The following KIAA1671 variants were observed in gnomAD, a reference collection of about 807,000 sequenced individuals.
KIAA1671 encodes uncharacterized protein KIAA1671.
KIAA1671 carries 52 observed loss-of-function variants against 131.2 expected under a neutral mutation model. The observed-to-expected ratio is 0.40, with a 90% CI of 0.32 to 0.50. The LOEUF is 0.50. Among genes scored for constraint, KIAA1671 ranks in the 20% least tolerant of loss-of-function variants. The pLI is 0.73. For synonymous variants in KIAA1671, 1,003 were observed against 961.6 expected (o/e 1.04, Z -0.80); for missense variants, 2,360 against 2,364.2 (o/e 1.00, Z 0.04).
chr22:25,000,492 CT>C (rs932233451), intron 1 of KIAA1671, among the ~76,000 whole-genome samples: 504 of 49,626 alleles, frequency 0.01, 53 homozygotes, highest in East Asian at 0.037. Context: ...CGCGCCCGGC[CT>C]TTTTTTTTTT....
At chr22:25,078,952 G>A (rs894965851) in intron 6 of KIAA1671, among the ~76,000 whole-genome samples, 1 of 152,090 alleles carries the variant, frequency 6.6e-6, no homozygotes, top group Non-Finnish European at 1.5e-5. Flanking sequence ...AGAGCATGGG[G>A]CCTCGAGCAA....
rs1223034273 is a variant in KIAA1671 at position 25,099,537 on chromosome 22, G to GTTTTTTTTTTTT, written c.4530+50180_4530+50181insTTTTTTTTTTTT. Among the ~76,000 whole-genome samples, 5 of 112,112 alleles carry GTTTTTTTTTTTT rather than the reference G, an allele frequency of 4.5e-5. 2 individuals carry two copies. Among genetic ancestry groups the GTTTTTTTTTTTT allele is most frequent in the African/African-American group, 3.9e-5 (1 of 25,448 alleles). The allele number at this position is 112,112 out of a possible 152,430, so 73.5% of individuals were successfully genotyped here. A position where few individuals can be genotyped will look rare whatever the true frequency, so the allele number is the denominator to read the frequency against. On this transcript the variant is annotated intron_variant, in intron 6 of 12. Coordinates refer to ENST00000358431, the MANE Select transcript of KIAA1671 (RefSeq NM_001145206.2). ...TATAAGTTTGTCTTTCAAAATGTGG[G>GTTTTTTTTTTTT]TTTTTTTGTTTTTTTTTTTTTTTTT...
chr22:25,181,585 C>A, intron 9 of KIAA1671, 114 bp from the exon 10 acceptor site: 1 of 1,290,982 alleles, frequency 7.7e-7, no homozygotes, highest in Non-Finnish European at 1.1e-6. Context: ...ATAGCGTCTT[C>A]TGTGCAGGTC....
chr22:25,134,396 C>T (rs1932580160), intron 6 of KIAA1671, among the ~76,000 whole-genome samples: 1 of 151,940 alleles, frequency 6.6e-6, no homozygotes, highest in Non-Finnish European at 1.5e-5. Flanking sequence ...GTGTGTGTAC[C>T]CGAAATCTGA....
chr22:25,155,109 A>C (rs1933184460), intron 6 of KIAA1671, among the ~76,000 whole-genome samples: 1 of 152,198 alleles, frequency 6.6e-6, no homozygotes, highest in African/African-American at 2.4e-5. Flanking sequence ...CCTCAATTTG[A>C]GATGGCATTT....
chr22:25,064,016 C>T (rs1446871887), intron 6 of KIAA1671: 1 of 152,236 alleles, frequency 6.6e-6, no homozygotes, highest in African/African-American at 2.4e-5. Flanking sequence ...CGACCAGGCA[C>T]TCACAGCTAA....
chr22:25,051,076 T>C (rs1927506992), intron 6 of KIAA1671: 2 of 152,546 alleles, frequency 1.3e-5, no homozygotes, highest in African/African-American at 4.8e-5. Context: ...CTTGGCTCTT[T>C]CCTTCTGGCC....
At chr22:25,121,974 G>C (rs989530837) in intron 6 of KIAA1671, among the ~76,000 whole-genome samples, 2 of 152,208 alleles carry the variant, frequency 1.3e-5, no homozygotes, top group South Asian at 4.1e-4. Context: ...AGAGTGAATT[G>C]TGGGATCTGG....
intron 2 of KIAA1671, among the ~76,000 whole-genome samples, chr22:25,026,655 G>C (rs1925958624): frequency 1.3e-5 from 2 of 152,032 alleles, no homozygotes; most frequent in African/African-American, 4.8e-5. Context: ...GCTTGAACCT[G>C]GGAGGCAGAA....
intron 6 of KIAA1671, among the ~76,000 whole-genome samples, chr22:25,096,900 A>G (rs1255984115): frequency 6.6e-6 from 1 of 152,160 alleles, no homozygotes; most frequent in Non-Finnish European, 1.5e-5. Flanking sequence ...AGTGTCTCTC[A>G]CTTAGCATAA....
chr22:25,000,549 A>G (rs896922094), intron 1 of KIAA1671, among the ~76,000 whole-genome samples: 1 of 137,262 alleles, frequency 7.3e-6, no homozygotes, highest in Non-Finnish European at 1.5e-5. Flanking sequence ...GTTTTGAGAC[A>G]CGTCTGGCCC....
intron 1 of KIAA1671, among the ~76,000 whole-genome samples, chr22:24,954,324 G>C (rs1238925226): frequency 6.6e-6 from 1 of 152,068 alleles, no homozygotes; most frequent in Non-Finnish European, 1.5e-5. Flanking sequence ...TGCACCCCCA[G>C]ACTCTGGCGC....
intron 3 of KIAA1671, 53 bp from the exon 4 acceptor site, chr22:25,032,556 G>A (rs976961579): frequency 1.3e-5 from 15 of 1,160,540 alleles, no homozygotes; most frequent in East Asian, 5.2e-5. Flanking sequence ...TGTGTGGGCT[G>A]GGGGGAATAA....
chr22:25,101,257 G>T (rs937871823), intron 6 of KIAA1671, among the ~76,000 whole-genome samples: 1 of 152,164 alleles, frequency 6.6e-6, no homozygotes. Flanking sequence ...GGGGCCTGCC[G>T]CCTGCCTTTT....
intron 11 of KIAA1671, 68 bp from the exon 12 acceptor site, chr22:25,190,634 C>T (rs2146053958): frequency 7.4e-7 from 1 of 1,348,180 alleles, no homozygotes; most frequent in Non-Finnish European, 1.0e-6. Flanking sequence ...TCGGATACCA[C>T]TCAGTCCTGC....
rs1931933392 is a variant in KIAA1671, at chr22:25,121,336, C to T, written c.4531-49484C>T. 1.3e-5 allele frequency among the ~76,000 whole-genome samples: 2 copies of T among 152,016 alleles called. 1 individual carries two copies. Among genetic ancestry groups the T allele is most frequent in the South Asian group, 4.2e-4 (2 of 4,818 alleles). The stretch of plus-strand genomic sequence containing the variant: ...AATTAGCTGGGCAAGGTGGTGGGCG[C>T]CTGTAGTCCCAGCTGCTCGGGAGGC... On this transcript the variant is annotated intron_variant, in intron 6 of 12. Coordinates refer to ENST00000358431, the MANE Select transcript of KIAA1671 (RefSeq NM_001145206.2).
chr22:25,108,747 A>G (rs1050779109), intron 6 of KIAA1671, among the ~76,000 whole-genome samples: 1 of 152,122 alleles, frequency 6.6e-6, no homozygotes, highest in African/African-American at 2.4e-5. Flanking sequence ...CCAGTTACCT[A>G]CTTGCCTCTG....
intron 1 of KIAA1671, among the ~76,000 whole-genome samples, chr22:24,998,383 A>C (rs1478353712): frequency 6.6e-6 from 1 of 152,054 alleles, no homozygotes; most frequent in Non-Finnish European, 1.5e-5. Flanking sequence ...ACTGCACTCC[A>C]GCCTGGGTGA....
At chr22:25,170,650 G>T (rs1302723233) in intron 6 of KIAA1671, among the ~76,000 whole-genome samples, 170 bp from the exon 7 acceptor site, 2 of 152,232 alleles carry the variant, frequency 1.3e-5, no homozygotes, top group East Asian at 3.9e-4. Flanking sequence ...AAACCAGGAC[G>T]ATTGGTCACG....
Sources: gnomAD v4.1 joint callset for allele counts (sites outside exome capture counted in the v4.1 genomes callset) on GRCh38, gnomAD v4.1.1 for gene constraint, MANE v1.5 for transcripts, NCBI Gene and HGNC (gene_info 2026-07-23, HGNC 2026-07-21) for gene names.